CDH20: variants seen among roughly 807,000 people sequenced by gnomAD.
CDH20 encodes cadherin 20.
A neutral mutation model predicts 74.2 loss-of-function variants in CDH20; 29 were observed. That is an observed-to-expected ratio of 0.39 (90% CI 0.29 to 0.53). CDH20 has a LOEUF of 0.53. Ranked by LOEUF, CDH20 falls within the 20% of genes least tolerant of loss-of-function variation. CDH20 has a pLI of 0.69. For missense variants in CDH20, 988 were observed against 1,048.3 expected, an observed-to-expected ratio of 0.94 and a Z score of 0.79; for synonymous variants, 469 against 405.4, an observed-to-expected ratio of 1.16 and a Z score of -1.88.
chr18:61,540,826 G>A (rs549770426), intron 9 of CDH20, among the ~76,000 whole-genome samples: 3 of 152,246 alleles, frequency 2.0e-5, no homozygotes, highest in East Asian at 1.9e-4. Flanking sequence ...TGGACTCGAC[G>A]ACACATCTTT....
intron 1 of CDH20, among the ~76,000 whole-genome samples, chr18:61,447,199 T>C (rs1421610062): frequency 6.6e-6 from 1 of 152,176 alleles, no homozygotes; most frequent in Non-Finnish European, 1.5e-5. Flanking sequence ...GTGAGTTCAG[T>C]TGGGACATAT....
At chr18:61,471,098 G>A (rs1910159215) in intron 1 of CDH20, among the ~76,000 whole-genome samples, 1 of 152,154 alleles carries the variant, frequency 6.6e-6, no homozygotes, top group African/African-American at 2.4e-5. Context: ...GGCTGAAATA[G>A]TACTTCTTTT....
At chr18:61,377,455 A>G (rs1911275232) in intron 1 of CDH20, among the ~76,000 whole-genome samples, 1 of 151,900 alleles carries the variant, frequency 6.6e-6, no homozygotes, top group South Asian at 2.1e-4. Flanking sequence ...TTCATCAGAC[A>G]CGCGAAGCCT....
intron 1 of CDH20, among the ~76,000 whole-genome samples, chr18:61,407,665 C>T (rs937508896): frequency 2.0e-5 from 3 of 152,056 alleles, no homozygotes; most frequent in East Asian, 1.9e-4. Flanking sequence ...AAGGACACAA[C>T]GTCACTTTTG....
At chr18:61,340,867 T>C (rs1909925403) in intron 1 of CDH20, among the ~76,000 whole-genome samples, 1 of 152,250 alleles carries the variant, frequency 6.6e-6, no homozygotes, top group Admixed American at 6.5e-5. Context: ...AGTAATCTTA[T>C]CTATATTTGA....
chr18:61,522,438 A>G (rs893097762), intron 6 of CDH20, among the ~76,000 whole-genome samples: 5 of 152,244 alleles, frequency 3.3e-5, no homozygotes, highest in South Asian at 4.1e-4. Flanking sequence ...ATGAAAAAAC[A>G]TTCCATGCTC....
chr18:61,433,446 C>A lies in CDH20; in HGVS notation c.-152-56956C>A, dbSNP rs1393784366. 2.6e-5 allele frequency among the ~76,000 whole-genome samples: 4 copies of A among 152,082 alleles called. No individual in the cohort carries two copies. In the East Asian group the frequency reaches 5.8e-4, roughly 22 times the overall value. ...ATGTTAAAACATAATTAATAAACAT[C>A]ATGTATTGCCACTACTTTAGACACA... is the stretch of plus-strand genomic sequence containing the variant. On this transcript the variant is annotated intron_variant, in intron 1 of 11. Coordinates refer to ENST00000262717, the MANE Select transcript of CDH20 (RefSeq NM_031891.4).
intron 1 of CDH20, among the ~76,000 whole-genome samples, chr18:61,417,168 A>G (rs917767931): frequency 1.3e-5 from 2 of 152,188 alleles, no homozygotes; most frequent in African/African-American, 4.8e-5. Flanking sequence ...ATTTGGGGAA[A>G]GTCTGGCTTT....
intron 10 of CDH20, among the ~76,000 whole-genome samples, chr18:61,548,500 A>G (rs1913327614): frequency 6.6e-6 from 1 of 152,228 alleles, no homozygotes; most frequent in Non-Finnish European, 1.5e-5. Context: ...ATGGCACATG[A>G]GCCTTTAGTA....
chr18:61,495,544 TC>T (rs1047059009), intron 2 of CDH20, among the ~76,000 whole-genome samples: 14 of 152,126 alleles, frequency 9.2e-5, no homozygotes, highest in Non-Finnish European at 1.5e-4. Context: ...AGTGACTTGC[TC>T]CTCATCACAC....
At chr18:61,360,854 CG>C (rs1445753516) in intron 1 of CDH20, among the ~76,000 whole-genome samples, 1 of 152,178 alleles carries the variant, frequency 6.6e-6, no homozygotes, top group African/African-American at 2.4e-5. Context: ...CCATCAAAAC[CG>C]TAAATGTCTT....
intron 1 of CDH20, among the ~76,000 whole-genome samples, chr18:61,450,652 A>G (rs549334123): frequency 9.9e-5 from 15 of 152,172 alleles, no homozygotes; most frequent in African/African-American, 3.4e-4. Context: ...CGATTTGTAC[A>G]TATCCTTCCA....
At chr18:61,521,481 T>A (rs936050922) in intron 6 of CDH20, among the ~76,000 whole-genome samples, 1 of 151,298 alleles carries the variant, frequency 6.6e-6, no homozygotes, top group Non-Finnish European at 1.5e-5. Context: ...CACAGCCGAA[T>A]TCTACCAGAG....
At chr18:61,488,727 G>T (rs553837327) in intron 1 of CDH20, among the ~76,000 whole-genome samples, 33 of 152,216 alleles carry the variant, frequency 2.2e-4, no homozygotes, top group Non-Finnish European at 4.3e-4. Flanking sequence ...TTGTTTGTTT[G>T]TTTGTTTGTT....
chr18:61,336,760 TAA>T (rs1909773752), intron 1 of CDH20, among the ~76,000 whole-genome samples: 1 of 140,022 alleles, frequency 7.1e-6, no homozygotes. Flanking sequence ...AGGAAAAACG[TAA>T]AGAGACACGG....
chr18:61,397,387 A>G lies in CDH20; in HGVS notation c.-153+63560A>G, dbSNP rs72991824. ...CTACCCACTCCTGAAGCAACAAAGC[A>G]CATGACTGCCTGCTGCAGCCCCGCA... On this transcript the variant is annotated intron_variant, in intron 1 of 11. Coordinates refer to ENST00000262717, the MANE Select transcript of CDH20 (RefSeq NM_031891.4). Among the ~76,000 whole-genome samples, 1,064 of 152,290 alleles carry G rather than the reference A, an allele frequency of 7.0e-3. 5 individuals carry two copies. The highest frequency in any genetic ancestry group is 0.011 in the Non-Finnish European group (763 of 68,018).
chr18:61,414,731 T>A (rs1021836846), intron 1 of CDH20, among the ~76,000 whole-genome samples: 2 of 152,082 alleles, frequency 1.3e-5, no homozygotes, highest in Non-Finnish European at 2.9e-5. Context: ...TTAATTTGAT[T>A]AATGTACATG....
intron 1 of CDH20, among the ~76,000 whole-genome samples, chr18:61,429,941 T>C (rs566064961): frequency 6.6e-6 from 1 of 152,304 alleles, no homozygotes; most frequent in East Asian, 1.9e-4. Context: ...CTTTGGCTCC[T>C]ATATATTGTG....
intron 1 of CDH20, among the ~76,000 whole-genome samples, chr18:61,405,395 G>A (rs1451900014): frequency 6.6e-6 from 1 of 151,956 alleles, no homozygotes; most frequent in African/African-American, 2.4e-5. Flanking sequence ...AGACCAGCCT[G>A]GGCAATATAC....
Sources: gnomAD v4.1 joint callset for allele counts (sites outside exome capture counted in the v4.1 genomes callset) on GRCh38, gnomAD v4.1.1 for gene constraint, MANE v1.5 for transcripts, NCBI Gene and HGNC (gene_info 2026-07-23, HGNC 2026-07-21) for gene names.